Variants in BRCC3 observed in about 807,000 individuals in gnomAD.
BRCC3 encodes the protein lys-63-specific deubiquitinase BRCC36.
In BRCC3, 15 loss-of-function variants were observed where a neutral mutation model predicts 28.0. The observed-to-expected ratio is 0.54, with a 90% confidence interval of 0.36 to 0.82. The LOEUF (loss-of-function observed/expected upper bound fraction) is 0.82, where lower values mean the gene tolerates loss of function less well. BRCC3 is among the 40% of genes least tolerant of loss of function. BRCC3 has a pLI of 0.01. For synonymous variants in BRCC3, 66 were observed against 80.3 expected, an observed-to-expected ratio of 0.82 and a Z score of 0.95; for missense variants, 109 against 225.9, an observed-to-expected ratio of 0.48 and a Z score of 3.32.
chrX:155,113,115 CTTGCTTTTTT>C (rs1308804999), intron 7 of BRCC3, among the ~76,000 whole-genome samples: 1 of 72,752 alleles, frequency 1.4e-5, no homozygotes, highest in Non-Finnish European at 2.5e-5. Context: ...CAATGGCTTG[CTTGCTTTTTT>C]TTTTTTTTTT....
intron 5 of BRCC3, 96 bp downstream of exon 5, chrX:155,078,799 T>C (rs782373693): frequency 7.8e-6 from 4 of 510,869 alleles, no homozygotes; most frequent in Non-Finnish European, 9.5e-6. Flanking sequence ...AAACCAAAAT[T>C]TGACTGTCCT....
rs1569560410 is a variant in BRCC3, at chrX:155,075,281, C to CAAGAAGGG, written c.195+1850_195+1851insAAGAAGGG. 6.0e-5 allele frequency among the ~76,000 whole-genome samples: 3 copies of CAAGAAGGG among 50,022 alleles called. No homozygotes were observed. The African/African-American group carries it at 1.9e-3, about 31-fold the overall frequency. 43.4% of individuals were successfully genotyped at this position (50,022 alleles called of 115,157 possible). A position where few individuals can be genotyped will look rare whatever the true frequency, so the allele number is the denominator to read the frequency against. On this transcript the variant is annotated intron_variant, in intron 3 of 10. Transcript: ENST00000330045. ...CCCTTCAACATCTGATAATGCTAAGCCCACTCTTTCCCCTGGCCCTTCTTG... is the reference window on the plus strand; with the variant it reads ...CCCTTCAACATCTGATAATGCTAAGCAAGAAGGGCCACTCTTTCCCCTGGCCCTTCTTG...
chrX:155,094,018 C>T (rs1326060568), intron 7 of BRCC3, among the ~76,000 whole-genome samples: 1 of 111,183 alleles, frequency 9.0e-6, no homozygotes, highest in Non-Finnish European at 1.9e-5. Flanking sequence ...GTTAGATTGC[C>T]TTCTGTTTTT....
At chrX:155,099,895 G>T (rs1204542792) in intron 7 of BRCC3, among the ~76,000 whole-genome samples, 5 of 111,445 alleles carry the variant, frequency 4.5e-5, no homozygotes, top group Non-Finnish European at 9.4e-5. Context: ...TTTGCCTTCT[G>T]TTTGCTATGC....
Position 155,092,299 on chromosome X carries a change from T to C in BRCC3, c.548+1460T>C, listed in dbSNP as rs1557295758. On this transcript the variant is annotated intron_variant, in intron 7 of 10. Transcript: ENST00000330045. ...AATCTTAAAGTTTGCTTATTTATTC[T>C]ATTAACAATTGACAGTAGACAATAT... 2.7e-5 allele frequency among the ~76,000 whole-genome samples: 3 copies of C among 112,062 alleles called. No individual in the cohort carries two copies. The Admixed American group carries it at 2.8e-4, about 11-fold the overall frequency.
intron 7 of BRCC3, among the ~76,000 whole-genome samples, chrX:155,114,515 T>G (rs905884855): frequency 1.8e-5 from 2 of 110,585 alleles, no homozygotes; most frequent in African/African-American, 6.6e-5. Context: ...ATAACAATGT[T>G]AATATACTTA....
chrX:155,075,268 TGATAA>T (rs1557293335), intron 3 of BRCC3, among the ~76,000 whole-genome samples: 2 of 112,214 alleles, frequency 1.8e-5, no homozygotes, highest in Admixed American at 9.4e-5. Context: ...CTTCAACATC[TGATAA>T]TGCTAAGCCC....
intron 5 of BRCC3, among the ~76,000 whole-genome samples, chrX:155,083,739 C>T (rs1449127124): frequency 2.7e-5 from 3 of 112,475 alleles, no homozygotes; most frequent in Non-Finnish European, 5.6e-5. Context: ...TAAAGTGGAT[C>T]TTGCTAGAGT....
At chrX:155,119,170 AC>A (rs1355792250) in intron 9 of BRCC3, among the ~76,000 whole-genome samples, 3 of 112,168 alleles carry the variant, frequency 2.7e-5, no homozygotes, top group Non-Finnish European at 3.8e-5. Context: ...TCAGCTTTTC[AC>A]CTTTTCAAAG....
chrX:155,077,031 CATT>C, intron 3 of BRCC3, 136 bp from the exon 4 acceptor site: 2 of 493,066 alleles, frequency 4.1e-6, no homozygotes, highest in Non-Finnish European at 5.6e-6. Context: ...TGAAACATTT[CATT>C]ATTCGTGAGA....
intron 7 of BRCC3, among the ~76,000 whole-genome samples, chrX:155,114,741 A>G (rs1174445478): frequency 9.0e-6 from 1 of 110,950 alleles, no homozygotes; most frequent in African/African-American, 3.3e-5. Context: ...GAGTTAAAAA[A>G]AAAAAGAGAA....
At chrX:155,082,676 A>G (rs1378472318) in intron 5 of BRCC3, among the ~76,000 whole-genome samples, 1 of 112,463 alleles carries the variant, frequency 8.9e-6, no homozygotes, top group Non-Finnish European at 1.9e-5. Flanking sequence ...ATTTCTCAAG[A>G]TCAAGGGTAT....
chrX:155,093,186 T>G (rs1216145161), intron 7 of BRCC3, among the ~76,000 whole-genome samples: 1 of 111,310 alleles, frequency 9.0e-6, no homozygotes, highest in Non-Finnish European at 1.9e-5. Flanking sequence ...CAGAAAGTGC[T>G]TGTCTTTCAG....
chrX:155,079,193 A>G (rs1602766280), intron 5 of BRCC3, among the ~76,000 whole-genome samples: 1 of 111,643 alleles, frequency 9.0e-6, no homozygotes, highest in East Asian at 2.8e-4. Flanking sequence ...TAACTTGGGG[A>G]GAGTGAACTA....
At chrX:155,087,327 G>C (rs1360580918) in intron 5 of BRCC3, among the ~76,000 whole-genome samples, 2 of 112,568 alleles carry the variant, frequency 1.8e-5, no homozygotes, top group South Asian at 3.7e-4. Context: ...ACCGAGGCCA[G>C]TCTGAGCCTC....
chrX:155,105,407 C>T (rs1019494188), intron 7 of BRCC3, among the ~76,000 whole-genome samples: 26 of 111,393 alleles, frequency 2.3e-4, no homozygotes, highest in Non-Finnish European at 2.8e-4. Flanking sequence ...TGCTTGAACC[C>T]GGGAGGCGGA....
chrX:155,075,161 G>C (rs1196822134), intron 3 of BRCC3, among the ~76,000 whole-genome samples: 1 of 112,009 alleles, frequency 8.9e-6, no homozygotes, highest in Admixed American at 9.4e-5. Flanking sequence ...AATTCCATGT[G>C]TATTTCATAC....
chrX:155,079,127 T>C (rs1305692877), intron 5 of BRCC3, among the ~76,000 whole-genome samples: 1 of 112,069 alleles, frequency 8.9e-6, no homozygotes, highest in Non-Finnish European at 1.9e-5. Flanking sequence ...TTACCCCTTT[T>C]TGAGAATCAT....
At chrX:155,078,083 C>T (rs990458858) in intron 4 of BRCC3, among the ~76,000 whole-genome samples, 1 of 112,624 alleles carries the variant, frequency 8.9e-6, no homozygotes, top group African/African-American at 3.2e-5. Flanking sequence ...GATTATTGCA[C>T]TTACTCTTCA....
Sources: gnomAD v4.1 joint callset for allele counts (sites outside exome capture counted in the v4.1 genomes callset) on GRCh38, gnomAD v4.1.1 for gene constraint, MANE v1.5 for transcripts, NCBI Gene and HGNC (gene_info 2026-07-23, HGNC 2026-07-21) for gene names.